The following GRIA4 variants were observed in gnomAD, a reference collection of about 807,000 sequenced individuals.
GRIA4 encodes glutamate ionotropic receptor AMPA type subunit 4, also known as glutamate receptor 4.
In GRIA4, 34 loss-of-function variants were observed where a neutral mutation model predicts 104.0. The ratio of observed to expected loss-of-function variants is 0.33; its 90% CI spans 0.25 to 0.44. The LOEUF is 0.44. Among genes scored for constraint, GRIA4 ranks in the 20% least tolerant of loss-of-function variants. The pLI is 1.00. For synonymous variants in GRIA4, 386 were observed against 381.9 expected (o/e 1.01, Z -0.13); for missense variants, 750 against 1,096.5 (o/e 0.68, Z 4.46).
intron 3 of GRIA4, among the ~76,000 whole-genome samples, chr11:105,615,622 A>G (rs190838685): frequency 8.5e-4 from 129 of 151,998 alleles, no homozygotes; most frequent in African/African-American, 2.6e-3. Context: ...GGACATTTAA[A>G]AAATAAATTT....
chr11:105,752,876 A>G, intron 3 of GRIA4, 105 bp from the exon 4 acceptor site: 6 of 1,031,130 alleles, frequency 5.8e-6, no homozygotes, highest in Non-Finnish European at 8.7e-6. Flanking sequence ...TGACAGATCC[A>G]ATGATTCAGT....
chr11:105,845,325 A>G (rs992562753), intron 4 of GRIA4, among the ~76,000 whole-genome samples: 3 of 151,778 alleles, frequency 2.0e-5, no homozygotes, highest in South Asian at 2.1e-4. Context: ...AAAAGCAACC[A>G]CCCCTAGGGG....
At chr11:105,975,475 A>T (rs564755390) in intron 16 of GRIA4, among the ~76,000 whole-genome samples, 91 of 151,762 alleles carry the variant, frequency 6.0e-4, no homozygotes, top group African/African-American at 1.9e-3. Flanking sequence ...TTGGAGATTT[A>T]AAAAAAAATC....
At chr11:105,845,577 G>A (rs1238201026) in intron 4 of GRIA4, among the ~76,000 whole-genome samples, 1 of 152,094 alleles carries the variant, frequency 6.6e-6, no homozygotes, top group Non-Finnish European at 1.5e-5. Flanking sequence ...TCTGAAAAAA[G>A]TATGGATAAA....
intron 3 of GRIA4, among the ~76,000 whole-genome samples, chr11:105,700,778 T>C (rs929365065): frequency 1.3e-5 from 2 of 152,200 alleles, no homozygotes; most frequent in South Asian, 4.1e-4. Flanking sequence ...TCAACTCTTA[T>C]GTGGATGAAT....
At chr11:105,847,521 A>G (rs1160759650) in intron 4 of GRIA4, among the ~76,000 whole-genome samples, 2 of 152,232 alleles carry the variant, frequency 1.3e-5, no homozygotes. Context: ...TAATTCAAGA[A>G]TACATTTAAT....
intron 3 of GRIA4, among the ~76,000 whole-genome samples, chr11:105,664,965 A>C (rs937302916): frequency 1.3e-5 from 2 of 152,046 alleles, no homozygotes; most frequent in Admixed American, 1.3e-4. Context: ...CAATTAATTT[A>C]TTCAAATTCA....
intron 4 of GRIA4, among the ~76,000 whole-genome samples, chr11:105,828,081 A>G (rs1943841484): frequency 6.6e-6 from 1 of 152,054 alleles, no homozygotes; most frequent in African/African-American, 2.4e-5. Flanking sequence ...AGATAGGTCC[A>G]CAAGATCTTA....
At chr11:105,764,796 G>GA (rs149319182) in intron 4 of GRIA4, among the ~76,000 whole-genome samples, 62 of 146,746 alleles carry the variant, frequency 4.2e-4, no homozygotes, top group Middle Eastern at 3.5e-3. Context: ...AAATAAACAG[G>GA]AAAAAAAAAA....
chr11:105,617,869 A>G (rs1036893164), intron 3 of GRIA4, among the ~76,000 whole-genome samples: 3 of 152,052 alleles, frequency 2.0e-5, no homozygotes, highest in Non-Finnish European at 2.9e-5. Flanking sequence ...TAATGATTAC[A>G]GTACAATGTG....
At chr11:105,974,175 C>T in intron 15 of GRIA4, 135 bp from the exon 16 acceptor site, 1 of 814,320 alleles carries the variant, frequency 1.2e-6, no homozygotes. Context: ...TAGCCTACAT[C>T]AGTGACTTAT....
intron 3 of GRIA4, among the ~76,000 whole-genome samples, chr11:105,681,931 C>G (rs781447194): frequency 2.6e-5 from 4 of 151,934 alleles, no homozygotes; most frequent in Non-Finnish European, 5.9e-5. Flanking sequence ...AATCCCAGCT[C>G]CTCAGGAGGC....
chr11:105,791,298 A>C (rs1410649734), intron 4 of GRIA4, among the ~76,000 whole-genome samples: 1 of 152,202 alleles, frequency 6.6e-6, no homozygotes, highest in Non-Finnish European at 1.5e-5. Context: ...AAGAGAAATA[A>C]TTGTGATATG....
intron 9 of GRIA4, among the ~76,000 whole-genome samples, chr11:105,908,838 G>A (rs1947133739): frequency 6.6e-6 from 1 of 152,042 alleles, no homozygotes; most frequent in Admixed American, 6.6e-5. Flanking sequence ...AAAATTGGCT[G>A]ATGAGATCTT....
chr11:105,639,006 T>C (rs920405424), intron 3 of GRIA4, among the ~76,000 whole-genome samples: 2 of 152,124 alleles, frequency 1.3e-5, no homozygotes, highest in South Asian at 4.1e-4. Flanking sequence ...ATACTCAATA[T>C]TTCAGTAGCA....
intron 3 of GRIA4, among the ~76,000 whole-genome samples, chr11:105,692,494 A>G (rs191543627): frequency 3.9e-5 from 6 of 152,326 alleles, no homozygotes; most frequent in African/African-American, 1.4e-4. Flanking sequence ...TTCAAAAGTG[A>G]GTAAGTCATA....
At chr11:105,658,515 T>G (rs1951910103) in intron 3 of GRIA4, among the ~76,000 whole-genome samples, 1 of 151,858 alleles carries the variant, frequency 6.6e-6, no homozygotes, top group Non-Finnish European at 1.5e-5. Context: ...GAAGTAGACA[T>G]GGGATTAATG....
At chr11:105,948,570 CTTTCTTTTCT>C (rs746339509) in intron 14 of GRIA4, among the ~76,000 whole-genome samples, 3 of 124,684 alleles carry the variant, frequency 2.4e-5, no homozygotes, top group Non-Finnish European at 5.2e-5. Context: ...TTCTTTCTTT[CTTTCTTTTCT>C]TTTCTTTTCT....
chr11:105,753,953 C>T lies in GRIA4; in HGVS notation c.487+733C>T, dbSNP rs573903963. ...AGGAATCTCCTCATGTTCAGCCATC[C>T]GGAAGCCCTCCTACCTCTGTCCTTT... On this transcript the variant is annotated intron_variant, in intron 4 of 16. Transcript: ENST00000282499. Among the ~76,000 whole-genome samples, 10 of 152,188 alleles carry T rather than the reference C, an allele frequency of 6.6e-5. 1 individual carries two copies. Among genetic ancestry groups the T allele is most frequent in the South Asian group, 2.1e-4 (1 of 4,814 alleles).
Sources: allele counts gnomAD v4.1 joint callset (sites outside exome capture counted in the v4.1 genomes callset), GRCh38; gene constraint gnomAD v4.1.1; transcripts MANE v1.5; gene names NCBI Gene and HGNC (gene_info 2026-07-23, HGNC 2026-07-21).